Variants in SHISA9 observed in about 807,000 individuals in gnomAD.
SHISA9 encodes the protein shisa family member 9.
In SHISA9, 13 loss-of-function variants were observed where a neutral mutation model predicts 38.0. The observed-to-expected ratio is 0.34, with a 90% CI of 0.22 to 0.54. The LOEUF is 0.54. Ranked by LOEUF, SHISA9 falls within the 20% of genes least tolerant of loss-of-function variation. SHISA9 has a pLI of 0.91. For missense variants in SHISA9, 538 were observed against 575.8 expected, an observed-to-expected ratio of 0.93 and a Z score of 0.67; for synonymous variants, 275 against 242.0, an observed-to-expected ratio of 1.14 and a Z score of -1.27.
At chr16:13,092,008 A>G (rs183641206) in intron 2 of SHISA9, among the ~76,000 whole-genome samples, 2 of 151,688 alleles carry the variant, frequency 1.3e-5, no homozygotes, top group East Asian at 3.9e-4. Flanking sequence ...CTTTTTGTTG[A>G]TGTTGATGCT....
At chr16:13,350,724 C>T in the SHISA9 span, 1 of 152,160 alleles carries the variant, frequency 6.6e-6, no homozygotes, top group Non-Finnish European at 1.5e-5. Context: ...TGACCCTAAG[C>T]TGCTTTTTTC....
intron 3 of SHISA9, among the ~76,000 whole-genome samples, chr16:13,206,983 G>A (rs565266255): frequency 4.6e-5 from 7 of 152,188 alleles, no homozygotes; most frequent in African/African-American, 9.7e-5. Flanking sequence ...TCTGAGCCTC[G>A]CAGTTAGATG....
At chr16:13,368,861 G>C in the SHISA9 span, among the ~76,000 whole-genome samples, 1 of 152,272 alleles carries the variant, frequency 6.6e-6, no homozygotes, top group South Asian at 2.1e-4. Context: ...GATTGACAGG[G>C]AGTAAGTATA....
At chr16:13,003,349 C>A (rs12926477) in intron 2 of SHISA9, among the ~76,000 whole-genome samples, 1 of 152,042 alleles carries the variant, frequency 6.6e-6, no homozygotes, top group Non-Finnish European at 1.5e-5. Flanking sequence ...AGATTTAGAC[C>A]TGGATCTCTC....
chr16:13,220,195 G>A (rs1372145376), intron 4 of SHISA9, among the ~76,000 whole-genome samples: 1 of 152,124 alleles, frequency 6.6e-6, no homozygotes, highest in Non-Finnish European at 1.5e-5. Flanking sequence ...TCTTATCTCA[G>A]GTGATTTCAC....
the SHISA9 span, among the ~76,000 whole-genome samples, chr16:13,375,415 T>G: frequency 9.2e-5 from 14 of 152,192 alleles, no homozygotes; most frequent in African/African-American, 3.1e-4. Context: ...CCAGCACCAT[T>G]TATTAAATAG....
rs2071019809 is a variant in SHISA9 at position 12,901,880 on chromosome 16, G to T, written c.-185G>T. ...GCTGGAGGCGAACGCGGGCTGAGGC[G>T]AACGCGGGCTGAGCCGAGCGCAGTG... On this transcript the variant is annotated 5_prime_UTR_variant, in exon 1 of 5. Coordinates refer to ENST00000558583, the MANE Select transcript of SHISA9 (RefSeq NM_001145204.3). 4.3e-6 allele frequency: 1 copy of T among 232,538 alleles called. No homozygotes were observed. Among genetic ancestry groups the T allele is most frequent in the Non-Finnish European group, 7.7e-6 (1 of 129,724 alleles). The allele number at this position is 232,538 out of a possible 1,614,324, so 14.4% of individuals were successfully genotyped here.
At chr16:13,109,561 C>T (rs887355751) in intron 2 of SHISA9, among the ~76,000 whole-genome samples, 2 of 152,182 alleles carry the variant, frequency 1.3e-5, no homozygotes, top group African/African-American at 4.8e-5. Flanking sequence ...ATCAAATTCA[C>T]CCATTTTAAG....
At chr16:12,936,930 G>C (rs959259225) in intron 2 of SHISA9, among the ~76,000 whole-genome samples, 1 of 152,282 alleles carries the variant, frequency 6.6e-6, no homozygotes, top group South Asian at 2.1e-4. Flanking sequence ...GGGTTGGCTA[G>C]AGGGCGGTGG....
rs116147782 is a variant in SHISA9 at position 13,212,609 on chromosome 16, G to A, written c.848-644G>A. ...AGATAACAAGCTTGATCTCGTTACC[G>A]TTTAGAATTTCCCTACCTTAGAAAG... On this transcript the variant is annotated intron_variant, in intron 3 of 4. Coordinates refer to ENST00000558583, the MANE Select transcript of SHISA9 (RefSeq NM_001145204.3). Among the ~76,000 whole-genome samples the A allele has an allele frequency of 5.3e-3, 810 of 152,232 alleles. 13 individuals carry two copies. The highest frequency in any genetic ancestry group is 0.018 in the African/African-American group (758 of 41,524).
At chr16:13,219,148 G>C (rs879520082) in intron 4 of SHISA9, among the ~76,000 whole-genome samples, 2 of 152,290 alleles carry the variant, frequency 1.3e-5, no homozygotes, top group Admixed American at 1.3e-4. Flanking sequence ...TGCGCAAAGA[G>C]GGTTCTCTGG....
chr16:13,410,046 A>G, the SHISA9 span, among the ~76,000 whole-genome samples: 6 of 152,252 alleles, frequency 3.9e-5, no homozygotes, highest in African/African-American at 1.2e-4. Flanking sequence ...TAGTAGTATT[A>G]GTAGCATGGA....
intron 3 of SHISA9, among the ~76,000 whole-genome samples, chr16:13,206,232 A>G (rs1173093915): frequency 1.3e-5 from 2 of 152,112 alleles, no homozygotes; most frequent in Admixed American, 6.5e-5. Context: ...TTATTTATTT[A>G]TCTATTCTCA....
intron 2 of SHISA9, among the ~76,000 whole-genome samples, chr16:13,022,326 A>G (rs993514937): frequency 2.1e-5 from 3 of 143,838 alleles, no homozygotes; most frequent in African/African-American, 5.2e-5. Flanking sequence ...TAATTTTTAC[A>G]TTAAAAAAAT....
intron 2 of SHISA9, among the ~76,000 whole-genome samples, chr16:13,149,106 T>C (rs577736158): frequency 2.9e-4 from 44 of 152,276 alleles, no homozygotes; most frequent in African/African-American, 9.9e-4. Context: ...GGGGAAGTGG[T>C]GCCCTCAGCC....
the SHISA9 span, among the ~76,000 whole-genome samples, chr16:13,342,866 C>T: frequency 6.6e-6 from 1 of 152,160 alleles, no homozygotes; most frequent in African/African-American, 2.4e-5. Context: ...GTAAGGGCTA[C>T]ACACCTGAGC....
intron 2 of SHISA9, among the ~76,000 whole-genome samples, chr16:12,927,609 A>G (rs1011673081): frequency 1.2e-4 from 18 of 146,848 alleles, no homozygotes; most frequent in Admixed American, 6.2e-4. Flanking sequence ...GGGTCTTGCT[A>G]TGTTGCCCAG....
intron 2 of SHISA9, among the ~76,000 whole-genome samples, chr16:13,140,033 T>C (rs568333513): frequency 6.6e-6 from 1 of 151,414 alleles, no homozygotes; most frequent in Admixed American, 6.6e-5. Flanking sequence ...GTTTTGCGAG[T>C]AGATAGTCCC....
intron 2 of SHISA9, among the ~76,000 whole-genome samples, chr16:13,004,414 G>T (rs1419292251): frequency 6.6e-6 from 1 of 152,198 alleles, no homozygotes; most frequent in Non-Finnish European, 1.5e-5. Flanking sequence ...GACAGTATCG[G>T]TTCATGCTCT....
Sources: gnomAD v4.1 joint callset for allele counts (sites outside exome capture counted in the v4.1 genomes callset) on GRCh38, gnomAD v4.1.1 for gene constraint, MANE v1.5 for transcripts, NCBI Gene and HGNC (gene_info 2026-07-23, HGNC 2026-07-21) for gene names.